Variants in EARS2 observed in about 807,000 individuals in gnomAD.
EARS2 encodes nondiscriminating glutamyl-tRNA synthetase EARS2, mitochondrial.
A neutral mutation model predicts 54.1 loss-of-function variants in EARS2; 50 were observed. That is an observed-to-expected ratio of 0.92 (90% confidence interval 0.74 to 1.17). The LOEUF is 1.17. EARS2 is among the 50% of genes most tolerant of loss of function. The pLI, the probability that EARS2 is intolerant of heterozygous loss-of-function variation, is 0.00. For synonymous variants in EARS2, 298 were observed against 281.0 expected (o/e 1.06, Z -0.61); for missense variants, 673 against 675.0 (o/e 1.00, Z 0.03).
intron 2 of EARS2, among the ~76,000 whole-genome samples, chr16:23,547,265 T>G (rs9928072): frequency 0.082 from 12,525 of 152,206 alleles, 922 homozygotes; most frequent in African/African-American, 0.19. Flanking sequence ...ATATATTATA[T>G]GATCTCATTC....
chr16:23,546,697 A>G (rs1965608742), intron 2 of EARS2, among the ~76,000 whole-genome samples: 1 of 152,178 alleles, frequency 6.6e-6, no homozygotes. Context: ...CTGAGACTAC[A>G]GGTACATGCC....
chr16:23,538,973 CTTTTTTT>C (rs34153998), intron 3 of EARS2, among the ~76,000 whole-genome samples: 1 of 83,842 alleles, frequency 1.2e-5, no homozygotes, highest in Non-Finnish European at 2.3e-5. Context: ...GGCCCCCCTC[CTTTTTTT>C]TTTTTTTTTT....
chr16:23,557,322 G>A lies in EARS2; in HGVS notation c.22C>T (p.Leu8=). 6.5e-7 allele frequency: 1 copy of A among 1,539,776 alleles called. No homozygotes were observed. The highest frequency in any genetic ancestry group is 8.7e-7 in the Non-Finnish European group (1 of 1,150,596). The change falls in exon 1 of 9, where the codon CTG becomes TTG. Residue 8 remains leucine, a synonymous_variant. Coordinates refer to ENST00000449606, the MANE Select transcript of EARS2 (RefSeq NM_001083614.2). ...GCCGAAGGCCTCTCGCGCTGCAGCAGTCTCCTCAGGAGCGCCGCCATGTGG... is the reference window on the plus strand; with the variant it reads ...GCCGAAGGCCTCTCGCGCTGCAGCAATCTCCTCAGGAGCGCCGCCATGTGG... MAALLRR[L]LQRERPSAAS...
At chr16:23,553,563 C>A (rs1449059566) in intron 1 of EARS2, among the ~76,000 whole-genome samples, 2 of 151,936 alleles carry the variant, frequency 1.3e-5, no homozygotes. Flanking sequence ...TTGAGACCAG[C>A]CTGGGCAACA....
rs1050386912 is a variant in EARS2 at position 23,557,274 on chromosome 16, G to C, written c.70C>G (p.Arg24Gly). 6.6e-7 allele frequency: 1 copy of C among 1,520,072 alleles called. No individual in the cohort carries two copies. The allele number at this position is 1,520,072 out of a possible 1,614,324, so 94.2% of individuals were successfully genotyped here. Residue 24 changes from arginine (R) to glycine (G), a missense_variant, in exon 1 of 9, where the codon CGG becomes GGG. Transcript: ENST00000449606. ...PSAASGRPVG[R>G]REANLGTDAG... ...TCAGTGCCCAGGTTGGCCTCGCGCCGTCCTACGGGGCGGCCAGAGGCCGCC... is the reference window on the plus strand; with the variant it reads ...TCAGTGCCCAGGTTGGCCTCGCGCCCTCCTACGGGGCGGCCAGAGGCCGCC...
In EARS2 at chr16:23,522,819, G is replaced by C. The variant is rs936217082; in HGVS notation, c.*1552C>G. On this transcript the variant is annotated 3_prime_UTR_variant, in exon 9 of 9. Coordinates refer to ENST00000449606, the MANE Select transcript of EARS2 (RefSeq NM_001083614.2). ...TGGTTCTGGCTTAGGGTCTCCCATA[G>C]AGGTCACAAGCGAGATCAGCTAGGA... is the stretch of plus-strand genomic sequence containing the variant. 1.3e-5 allele frequency: 2 copies of C among 152,222 alleles called. No individual in the cohort carries two copies. Among genetic ancestry groups the C allele is most frequent in the Non-Finnish European group, 1.5e-5 (1 of 68,050 alleles). 9.4% of individuals were successfully genotyped at this position (152,222 alleles called of 1,614,324 possible). A position where few individuals can be genotyped will look rare whatever the true frequency, so the allele number is the denominator to read the frequency against.
rs551116746 is a variant in EARS2 at position 23,554,685 on chromosome 16, G to A, written c.140-2381C>T. Among the ~76,000 whole-genome samples, 56 of 152,282 alleles carry A rather than the reference G, an allele frequency of 3.7e-4. 1 individual carries two copies. The highest frequency in any genetic ancestry group is 3.4e-3 in the Middle Eastern group (1 of 294). Reference sequence around the variant, plus strand: ...GGTATTCAGTGGCACTGAGTCCCACGAGTCCCCAAGACAAAAGAGGAACCC... The same window carrying A: ...GGTATTCAGTGGCACTGAGTCCCACAAGTCCCCAAGACAAAAGAGGAACCC... On this transcript the variant is annotated intron_variant, in intron 1 of 8. Coordinates refer to ENST00000449606, the MANE Select transcript of EARS2 (RefSeq NM_001083614.2).
At chr16:23,530,801 G>A (rs1965313437) in intron 5 of EARS2, among the ~76,000 whole-genome samples, 1 of 152,118 alleles carries the variant, frequency 6.6e-6, no homozygotes, top group Non-Finnish European at 1.5e-5. Flanking sequence ...ACTTCAGCCT[G>A]GGAGTCTGAG....
intron 7 of EARS2, among the ~76,000 whole-genome samples, chr16:23,526,216 G>A (rs943490337): frequency 1.1e-4 from 16 of 147,788 alleles, no homozygotes; most frequent in African/African-American, 7.5e-5. Context: ...AGGTTCAAGC[G>A]ATTCTCCTGC....
intron 3 of EARS2, among the ~76,000 whole-genome samples, chr16:23,542,628 A>G (rs1156873747): frequency 7.9e-5 from 12 of 152,012 alleles, no homozygotes; most frequent in Admixed American, 7.9e-4. Flanking sequence ...GACCTTGCTC[A>G]TTAAAAATAA....
chr16:23,529,457 G>A (rs531652112), intron 7 of EARS2, 45 bp downstream of exon 7: 1 of 1,596,574 alleles, frequency 6.3e-7, no homozygotes, highest in Non-Finnish European at 8.6e-7. Flanking sequence ...GACAGAGAGA[G>A]GGAAGGAGGG....
rs1016626023 is a variant in EARS2 at position 23,521,591 on chromosome 16, ATC to A, written c.*2778_*2779del. 3.2e-4 allele frequency among the ~76,000 whole-genome samples: 49 copies of A among 151,920 alleles called. No individual in the cohort carries two copies. Among genetic ancestry groups the A allele is most frequent in the African/African-American group, 1.2e-3 (49 of 41,468 alleles). ...TTTTTAAATTTTTTGTAGAGACAGG[ATC>A]TCACTATGTTGCCCAGGCTGGTCTC... is the stretch of plus-strand genomic sequence containing the variant. On this transcript the variant is annotated 3_prime_UTR_variant, in exon 9 of 9. Transcript: ENST00000449606.
rs11074565 is a variant in EARS2 at position 23,521,687 on chromosome 16, G to A, written c.*2684C>T. 0.76 allele frequency: 344,142 copies of A among 454,022 alleles called. 132,300 individuals carry two copies. The highest frequency in any genetic ancestry group is 0.81 in the Non-Finnish European group (182,886 of 225,896). 28.1% of individuals were successfully genotyped at this position (454,022 alleles called of 1,614,324 possible). A position where few individuals can be genotyped will look rare whatever the true frequency, so the allele number is the denominator to read the frequency against. On this transcript the variant is annotated 3_prime_UTR_variant, in exon 9 of 9. Coordinates refer to ENST00000449606, the MANE Select transcript of EARS2 (RefSeq NM_001083614.2). ...AGCATTAGGACGTATTTGTCCTTTT[G>A]TGACTGACATTTCATTTAGCATGAA...
In EARS2 at chr16:23,522,687, T is replaced by C. The variant is rs576145211; in HGVS notation, c.*1684A>G. On this transcript the variant is annotated 3_prime_UTR_variant, in exon 9 of 9. Coordinates refer to ENST00000449606, the MANE Select transcript of EARS2 (RefSeq NM_001083614.2). Reference sequence around the variant, plus strand: ...TCCCCTGGACAAAATAAATATATTGTCTACTGCTGAAACGCAAATTATCCC... The same window carrying C: ...TCCCCTGGACAAAATAAATATATTGCCTACTGCTGAAACGCAAATTATCCC... 1 of 152,308 alleles carries C rather than the reference T, an allele frequency of 6.6e-6. No individual in the cohort carries two copies. The highest frequency in any genetic ancestry group is 2.1e-4 in the South Asian group (1 of 4,830). The allele number at this position is 152,308 out of a possible 1,614,324, so 9.4% of individuals were successfully genotyped here.
chr16:23,552,194 C>A lies in EARS2; in HGVS notation c.250G>T (p.Val84Leu), dbSNP rs371885821. ...RLEDTDQTRV[V>L]PGAAENIEDM... is the part of the protein sequence containing the mutation. The stretch of plus-strand genomic sequence containing the variant: ...TCAATATTCTCCGCTGCCCCAGGCA[C>A]AACGCGAGTCTGATCTGTGTCCTCT... The change falls in exon 2 of 9, where the codon GTG (valine) becomes TTG (leucine). Residue 84 changes from valine (V) to leucine (L), a missense_variant. Transcript: ENST00000449606. 34 of 1,614,070 alleles carry A rather than the reference C, an allele frequency of 2.1e-5. No individual in the cohort carries two copies. Among genetic ancestry groups the A allele is most frequent in the African/African-American group, 2.7e-5 (2 of 74,936 alleles).
At chr16:23,547,185 A>G (rs1377678790) in intron 2 of EARS2, among the ~76,000 whole-genome samples, 1 of 152,246 alleles carries the variant, frequency 6.6e-6, no homozygotes, top group Non-Finnish European at 1.5e-5. Flanking sequence ...ATTTGGCTAT[A>G]AAAAGGAATG....
intron 3 of EARS2, among the ~76,000 whole-genome samples, chr16:23,543,421 A>C (rs967969392): frequency 3.9e-4 from 58 of 150,420 alleles, no homozygotes; most frequent in Admixed American, 4.0e-4. Context: ...CTATGAAAAA[A>C]AACAACAACA....
rs192565650 is a variant in EARS2 at position 23,557,035 on chromosome 16, T to C, written c.139+170A>G. On this transcript the variant is annotated intron_variant, in intron 1 of 8. Transcript: ENST00000449606. The stretch of plus-strand genomic sequence containing the variant: ...AAGAAACTCCTGGCAATTTGAATTA[T>C]TTCCGCTCCTGCACCTCAGTTTCCG... The C allele has an allele frequency of 2.5e-5, 25 of 1,018,432 alleles. No individual in the cohort carries two copies. The East Asian group carries it at 6.5e-4, about 26-fold the overall frequency. The allele number at this position is 1,018,432 out of a possible 1,614,324, so 63.1% of individuals were successfully genotyped here.
chr16:23,556,431 C>G (rs898685121), intron 1 of EARS2, among the ~76,000 whole-genome samples: 5 of 152,172 alleles, frequency 3.3e-5, no homozygotes, highest in Non-Finnish European at 7.4e-5. Context: ...CTTGGCTCAC[C>G]GCAATCTCCA....
Sources: gnomAD v4.1 joint callset for allele counts (sites outside exome capture counted in the v4.1 genomes callset) on GRCh38, gnomAD v4.1.1 for gene constraint, MANE v1.5 for transcripts, NCBI Gene and HGNC (gene_info 2026-07-23, HGNC 2026-07-21) for gene names.